Variants in DCDC2C observed in about 807,000 individuals in gnomAD.
DCDC2C encodes doublecortin domain-containing protein 2C.
Under a neutral mutation model 45.0 loss-of-function variants are expected in DCDC2C, and 44 were observed. The ratio of observed to expected loss-of-function variants is 0.98; its 90% CI spans 0.77 to 1.26. The LOEUF is 1.26. Among genes scored for constraint, DCDC2C ranks in the 50% most tolerant of loss-of-function variants. DCDC2C has a pLI of 0.00. For missense variants in DCDC2C, 447 were observed against 468.9 expected (o/e 0.95, Z 0.43); for synonymous variants, 187 against 178.8 (o/e 1.05, Z -0.37).
At chr2:3,729,207 A>T (rs1329470383) in intron 3 of DCDC2C, among the ~76,000 whole-genome samples, 5 of 151,990 alleles carry the variant, frequency 3.3e-5, no homozygotes, top group Non-Finnish European at 5.9e-5. Flanking sequence ...TTACTTGGGG[A>T]CTCCCTGCCC....
intron 4 of DCDC2C, among the ~76,000 whole-genome samples, chr2:3,749,196 T>C (rs1669462619): frequency 6.6e-6 from 1 of 152,236 alleles, no homozygotes; most frequent in Admixed American, 6.5e-5. Flanking sequence ...AATTGACATT[T>C]TGGTAATGTT....
At chr2:3,786,100 A>G (rs959748872) in intron 10 of DCDC2C, among the ~76,000 whole-genome samples, 6 of 152,200 alleles carry the variant, frequency 3.9e-5, no homozygotes, top group Non-Finnish European at 7.3e-5. Flanking sequence ...ATTCCTGACC[A>G]TATTATGGGG....
chr2:3,732,621 A>G (rs1010364260), intron 3 of DCDC2C, among the ~76,000 whole-genome samples: 2 of 152,092 alleles, frequency 1.3e-5, no homozygotes, highest in Admixed American at 6.6e-5. Flanking sequence ...GTTTGAGGGG[A>G]AAGGTGGCCT....
chr2:3,782,293 G>T (rs1670532747), intron 9 of DCDC2C, among the ~76,000 whole-genome samples: 1 of 152,090 alleles, frequency 6.6e-6, no homozygotes, highest in African/African-American at 2.4e-5. Context: ...CATAGAAGTG[G>T]GAGCAATCAA....
In DCDC2C at chr2:3,777,685, C is replaced by T. The variant is rs114808341; in HGVS notation, c.955-1131C>T. Among the ~76,000 whole-genome samples, 1,337 of 152,280 alleles carry T rather than the reference C, an allele frequency of 8.8e-3. 22 individuals are homozygous for T. Among genetic ancestry groups the T allele is most frequent in the African/African-American group, 0.03 (1,231 of 41,554 alleles). On this transcript the variant is annotated intron_variant, in intron 8 of 10. Transcript: ENST00000399143. ...AAGATAATGCTCATACAGCCTTGGT[C>T]TGAGTTTTCAGAAGGTCTGAGGTCT...
At position 3,741,892 on chromosome 2, in the gene DCDC2C, A is replaced by G. The variant is rs1478216707; in HGVS notation, c.417-28A>G. The G allele has an allele frequency of 6.5e-6, 10 of 1,535,292 alleles. No homozygotes were observed. The South Asian group carries it at 1.1e-4, about 17-fold the overall frequency. ...TTTCCCCCTCAAACTTAAGGTATTA[A>G]TGGATGCTTTTCTTTTTATTCTTAC... On this transcript the variant is annotated intron_variant, in intron 3 of 10. Coordinates refer to ENST00000399143, the MANE Select transcript of DCDC2C (RefSeq NM_001287444.2).
At chr2:3,752,552 T>TA in intron 4 of DCDC2C, 1 of 660,248 alleles carries the variant, frequency 1.5e-6, no homozygotes, top group East Asian at 3.1e-5. Context: ...ACACTTTAAT[T>TA]AAAAAATCTA....
At chr2:3,760,057 T>C (rs1669837471) in intron 6 of DCDC2C, among the ~76,000 whole-genome samples, 1 of 152,208 alleles carries the variant, frequency 6.6e-6, no homozygotes, top group Non-Finnish European at 1.5e-5. Flanking sequence ...CAGGGAATGC[T>C]GACTCCCTCC....
At chr2:3,748,520 T>G (rs1216819704) in intron 4 of DCDC2C, among the ~76,000 whole-genome samples, 1 of 151,406 alleles carries the variant, frequency 6.6e-6, no homozygotes, top group Non-Finnish European at 1.5e-5. Context: ...TTTGGGGGAG[T>G]TAAGAATTAA....
At chr2:3,815,045 C>G (rs1671519733) in intron 10 of DCDC2C, among the ~76,000 whole-genome samples, 1 of 152,394 alleles carries the variant, frequency 6.6e-6, no homozygotes, top group Middle Eastern at 3.4e-3. Flanking sequence ...GCAGCTGCAG[C>G]TGGTGCTGGT....
chr2:3,758,042 A>T (rs1367314159), intron 6 of DCDC2C, among the ~76,000 whole-genome samples: 1 of 152,222 alleles, frequency 6.6e-6, no homozygotes, highest in African/African-American at 2.4e-5. Flanking sequence ...ACAATGGACT[A>T]TATCTACTTG....
intron 10 of DCDC2C, among the ~76,000 whole-genome samples, chr2:3,833,023 G>A (rs1671988635): frequency 6.6e-6 from 1 of 152,234 alleles, no homozygotes; most frequent in Non-Finnish European, 1.5e-5. Context: ...AGGCTCTGGG[G>A]AGAATCTGTT....
chr2:3,782,254 A>G (rs1294210284), intron 9 of DCDC2C, among the ~76,000 whole-genome samples: 1 of 152,178 alleles, frequency 6.6e-6, no homozygotes, highest in Non-Finnish European at 1.5e-5. Flanking sequence ...CTCAGGGTGC[A>G]TTCATTTTAT....
At chr2:3,726,928 C>CCG in intron 2 of DCDC2C, 75 bp from the exon 3 acceptor site, 3 of 1,300,014 alleles carry the variant, frequency 2.3e-6, no homozygotes, top group Non-Finnish European at 3.3e-6. Flanking sequence ...TAGGGCAGTG[C>CCG]TGTGCACACT....
rs1558564961 is a variant in DCDC2C at position 3,725,707 on chromosome 2, G to GCC, written c.340-1296_340-1295insCC. Among the ~76,000 whole-genome samples the GCC allele has an allele frequency of 9.2e-4, 138 of 149,728 alleles. 1 individual carries two copies. The highest frequency in any genetic ancestry group is 1.4e-3 in the African/African-American group (58 of 40,376). ...TGCCAGGTGGATCCCAGAGGGAGAT[G>GCC]AGCAAAGAGTGACGAGGCTGGCCAG... is the stretch of plus-strand genomic sequence containing the variant. On this transcript the variant is annotated intron_variant, in intron 2 of 10. Transcript: ENST00000399143.
chr2:3,842,955 A>T (rs370821032), intron 10 of DCDC2C, among the ~76,000 whole-genome samples: 15 of 152,284 alleles, frequency 9.9e-5, no homozygotes, highest in African/African-American at 3.4e-4. Flanking sequence ...TCTGTCTGGT[A>T]ACACAGTCTC....
At chr2:3,759,854 C>T (rs1669830425) in intron 6 of DCDC2C, among the ~76,000 whole-genome samples, 1 of 152,238 alleles carries the variant, frequency 6.6e-6, no homozygotes, top group African/African-American at 2.4e-5. Flanking sequence ...TCCTTTGCAT[C>T]TAACAGATGT....
intron 4 of DCDC2C, among the ~76,000 whole-genome samples, chr2:3,747,314 G>A (rs189104691): frequency 1.1e-4 from 16 of 152,292 alleles, no homozygotes; most frequent in East Asian, 1.9e-4. Flanking sequence ...GCGGGTGTTC[G>A]GAACATCAGC....
At chr2:3,809,863 G>A (rs1399147213) in intron 10 of DCDC2C, among the ~76,000 whole-genome samples, 1 of 152,056 alleles carries the variant, frequency 6.6e-6, no homozygotes, top group Non-Finnish European at 1.5e-5. Flanking sequence ...CTGTTCCTGT[G>A]TTAGTTTGCT....
Sources: allele counts gnomAD v4.1 joint callset (sites outside exome capture counted in the v4.1 genomes callset), GRCh38; gene constraint gnomAD v4.1.1; transcripts MANE v1.5; gene names NCBI Gene and HGNC (gene_info 2026-07-23, HGNC 2026-07-21).